CHD5: variants seen among roughly 807,000 people sequenced by gnomAD.
The protein encoded by CHD5 is chromodomain helicase DNA binding protein 5.
CHD5 carries 69 observed loss-of-function variants against 230.3 expected under a neutral mutation model. The ratio of observed to expected loss-of-function variants is 0.30; its 90% CI spans 0.25 to 0.37. The LOEUF is 0.37. Ranked by LOEUF, CHD5 falls within the 10% of genes least tolerant of loss-of-function variation. The pLI is 1.00. For synonymous variants in CHD5, 1,064 were observed against 1,065.9 expected, an observed-to-expected ratio of 1.00 and a Z score of 0.03; for missense variants, 1,827 against 2,622.8, an observed-to-expected ratio of 0.70 and a Z score of 6.63.
intron 3 of CHD5, 122 bp downstream of exon 3, chr1:6,159,214 G>C: frequency 6.8e-7 from 1 of 1,462,286 alleles, no homozygotes; most frequent in Non-Finnish European, 9.0e-7. Flanking sequence ...CCTGGCAACA[G>C]AGTGAGACTC....
intron 33 of CHD5, among the ~76,000 whole-genome samples, chr1:6,120,832 G>A (rs1378373518): frequency 2.6e-5 from 4 of 152,132 alleles, no homozygotes; most frequent in Non-Finnish European, 5.9e-5. Context: ...GAACCCGGGA[G>A]GCGGATGTTG....
In CHD5 at chr1:6,125,676, G is replaced by C; in HGVS notation, c.4172-64C>G. ...CAGAGATTCCTGATCCCCAAGGACA[G>C]CGGGACCCCAGACCAGCCCCGCTCC... is the stretch of plus-strand genomic sequence containing the variant. On this transcript the variant is annotated intron_variant, in intron 27 of 41. Transcript: ENST00000262450. The surrounding 1 kb of genome is among the most constrained non-coding windows in gnomAD (Gnocchi z 6.7). The C allele has an allele frequency of 6.2e-7, 1 of 1,603,778 alleles. No individual in the cohort carries two copies. The highest frequency in any genetic ancestry group is 8.5e-7 in the Non-Finnish European group (1 of 1,170,744).
chr1:6,179,388 G>A (rs1324117793), intron 1 of CHD5, among the ~76,000 whole-genome samples: 2 of 152,070 alleles, frequency 1.3e-5, no homozygotes, highest in Admixed American at 6.6e-5. Flanking sequence ...GTCCCAGAGC[G>A]GAGTCCTCCT....
rs764791610 is a variant in CHD5 at position 6,125,261 on chromosome 1, G to T, written c.4261-28C>A. 1.3e-6 allele frequency: 2 copies of T among 1,570,452 alleles called. No individual in the cohort carries two copies. Among genetic ancestry groups the T allele is most frequent in the Non-Finnish European group, 1.7e-6 (2 of 1,161,408 alleles). On this transcript the variant is annotated intron_variant, in intron 28 of 41. Coordinates refer to ENST00000262450, the MANE Select transcript of CHD5 (RefSeq NM_015557.3). The surrounding 1 kb of genome is among the most constrained non-coding windows in gnomAD (Gnocchi z 6.7). ...GGGCGAGTGGAGCGTGGGAGTATGA[G>T]CCCAGGACAGAGAGGGGTGGGGGTG...
intron 2 of CHD5, among the ~76,000 whole-genome samples, chr1:6,160,435 A>G (rs1357774042): frequency 8.1e-6 from 1 of 124,160 alleles, no homozygotes; most frequent in Non-Finnish European, 1.7e-5. Context: ...AGAGAAGGAG[A>G]GCCCCAGCCA....
chr1:6,168,378 C>T, intron 1 of CHD5, 101 bp from the exon 2 acceptor site: 1 of 1,407,702 alleles, frequency 7.1e-7, no homozygotes, highest in Non-Finnish European at 9.5e-7. Context: ...CCCCAGACAC[C>T]CAACTGTGCC....
chr1:6,148,775 G>A, intron 9 of CHD5, 79 bp downstream of exon 9: 4 of 1,266,436 alleles, frequency 3.2e-6, no homozygotes, highest in South Asian at 1.8e-5. Context: ...CTTTTGAGGA[G>A]GGCAGGCCTT....
Position 6,117,092 on chromosome 1 carries a change from G to A in CHD5, c.4912+4013C>T, listed in dbSNP as rs12086728. ...ACTATAAACCTTCCAAATGAGTTGA[G>A]GGGGAAAAGAGGAGATATAAAGAAA... On this transcript the variant is annotated intron_variant, in intron 33 of 41. Transcript: ENST00000262450. Among the ~76,000 whole-genome samples the A allele has an allele frequency of 3.8e-3, 573 of 152,222 alleles. 2 individuals are homozygous for A. The highest frequency in any genetic ancestry group is 0.013 in the African/African-American group (522 of 41,536).
chr1:6,175,045 G>A (rs1667402256), intron 1 of CHD5, among the ~76,000 whole-genome samples: 1 of 151,212 alleles, frequency 6.6e-6, no homozygotes, highest in African/African-American at 2.4e-5. Context: ...GATGGATGGT[G>A]GGTGGATGAA....
In CHD5 at chr1:6,152,577, T is replaced by A. The variant is rs771094705; in HGVS notation, c.746-41A>T. The A allele has an allele frequency of 1.9e-6, 3 of 1,610,552 alleles. No individual in the cohort carries two copies. The South Asian group carries it at 3.3e-5, about 18-fold the overall frequency. On this transcript the variant is annotated intron_variant, in intron 5 of 41. Transcript: ENST00000262450. ...GATGATAGCCAACCACTGCCACCAC[T>A]GACGGCCTGCTTCCTGCCATCATCT...
At chr1:6,107,990 A>G (rs1666221824) in intron 38 of CHD5, among the ~76,000 whole-genome samples, 1 of 122,930 alleles carries the variant, frequency 8.1e-6, no homozygotes, top group African/African-American at 3.1e-5. Flanking sequence ...TGATGGAGAG[A>G]TGGGGGATGG....
At chr1:6,153,763 G>A (rs549128806) in intron 5 of CHD5, among the ~76,000 whole-genome samples, 197 of 152,216 alleles carry the variant, frequency 1.3e-3, no homozygotes, top group Non-Finnish European at 2.5e-3. Flanking sequence ...CCCAGGAGGC[G>A]GAGGTTGCAG....
Position 6,150,455 on chromosome 1 carries a change from TGGATGGATGGAC to T in CHD5, c.994+565_994+576del, listed in dbSNP as rs1456376518. On this transcript the variant is annotated intron_variant, in intron 7 of 41. Coordinates refer to ENST00000262450, the MANE Select transcript of CHD5 (RefSeq NM_015557.3). Reference sequence around the variant, plus strand: ...TAGGATGGATGGATGGATGGATGGATGGATGGATGGACGGACGGACGGACGGACGGATGGACA... The same window carrying T: ...TAGGATGGATGGATGGATGGATGGATGGACGGACGGACGGACGGATGGACA... Among the ~76,000 whole-genome samples, 17 of 143,432 alleles carry T rather than the reference TGGATGGATGGAC, an allele frequency of 1.2e-4. 1 individual carries two copies. The highest frequency in any genetic ancestry group is 9.1e-4 in the South Asian group (4 of 4,380). 94.1% of individuals were successfully genotyped at this position (143,432 alleles called of 152,430 possible).
At chr1:6,133,595 C>T (rs1666691979) in intron 20 of CHD5, among the ~76,000 whole-genome samples, 1 of 152,254 alleles carries the variant, frequency 6.6e-6, no homozygotes, top group South Asian at 2.1e-4. Flanking sequence ...AGCTGTCTCC[C>T]ACAGTAGACT....
At chr1:6,127,393 C>G (rs139592382) in intron 25 of CHD5, among the ~76,000 whole-genome samples, 28 of 151,814 alleles carry the variant, frequency 1.8e-4, no homozygotes, top group African/African-American at 6.8e-4. Flanking sequence ...AGCTGAGGCA[C>G]GAGAATCACT....
In CHD5 at chr1:6,105,688, C is replaced by T. The variant is rs1666151137; in HGVS notation, c.*47-261G>A. On this transcript the variant is annotated intron_variant, in intron 41 of 41. Coordinates refer to ENST00000262450, the MANE Select transcript of CHD5 (RefSeq NM_015557.3). The surrounding 1 kb of genome is among the most constrained non-coding windows in gnomAD (Gnocchi z 4.8). ...GAGCCTCCTCCAGCAAGACACGGTTCCCACAGGGACAGACACAGCGTAGTG... is the reference window on the plus strand; with the variant it reads ...GAGCCTCCTCCAGCAAGACACGGTTTCCACAGGGACAGACACAGCGTAGTG... Among the ~76,000 whole-genome samples, 1 of 152,134 alleles carries T rather than the reference C, an allele frequency of 6.6e-6. No individual in the cohort carries two copies. The highest frequency in any genetic ancestry group is 1.5e-5 in the Non-Finnish European group (1 of 68,022).
chr1:6,170,226 C>A (rs1380187108), intron 1 of CHD5, among the ~76,000 whole-genome samples: 1 of 152,122 alleles, frequency 6.6e-6, no homozygotes, highest in African/African-American at 2.4e-5. Context: ...CAGACACACT[C>A]GCCACATGCA....
intron 15 of CHD5, among the ~76,000 whole-genome samples, chr1:6,140,728 G>A (rs1666813947): frequency 1.3e-5 from 2 of 152,280 alleles, no homozygotes; most frequent in African/African-American, 4.8e-5. Context: ...TCTGGGCATG[G>A]TGGCTCAATG....
rs1350917928 is a variant in CHD5 at position 6,105,066 on chromosome 1, C to T, written c.*408G>A. On this transcript the variant is annotated 3_prime_UTR_variant, in exon 42 of 42. Coordinates refer to ENST00000262450, the MANE Select transcript of CHD5 (RefSeq NM_015557.3). This position sits in a 1 kb window ranked among gnomAD's most constrained non-coding sequence, Gnocchi z 4.8. ...GGTCTGGAACCCATCGGTAAAGAGA[C>T]ATCAGTGCTGCAGGTTCGAATCTTC... The T allele has an allele frequency of 3.3e-6, 1 of 307,320 alleles. No individual in the cohort carries two copies. Among genetic ancestry groups the T allele is most frequent in the Admixed American group, 4.9e-5 (1 of 20,610 alleles). The allele number at this position is 307,320 out of a possible 1,614,324, so 19.0% of individuals were successfully genotyped here. A position where few individuals can be genotyped will look rare whatever the true frequency, so the allele number is the denominator to read the frequency against.
Sources: allele counts gnomAD v4.1 joint callset (sites outside exome capture counted in the v4.1 genomes callset), GRCh38; gene constraint gnomAD v4.1.1; non-coding constraint Gnocchi (gnomAD v3.1); transcripts MANE v1.5; gene names NCBI Gene and HGNC (gene_info 2026-07-23, HGNC 2026-07-21).